ATM: variants seen among roughly 807,000 people sequenced by gnomAD.
ATM encodes ATM serine/threonine kinase, also known as serine-protein kinase ATM.
A neutral mutation model predicts 387.0 loss-of-function variants in ATM; 308 were observed. That is an observed-to-expected ratio of 0.80 (90% confidence interval 0.73 to 0.87). ATM has a LOEUF of 0.87. ATM is among the 40% of genes least tolerant of loss of function. The probability of loss-of-function intolerance (pLI) is 0.00; values close to 1 mark genes in which losing one functional copy is unlikely to be tolerated. For synonymous variants in ATM, 1,156 were observed against 1,187.3 expected (o/e 0.97, Z 0.54); for missense variants, 3,312 against 3,560.9 (o/e 0.93, Z 1.78).
chr11:108,281,182 A>C lies in ATM; in HGVS notation c.3576+14A>C, dbSNP rs1416761865. 12 of 1,611,876 alleles carry C rather than the reference A, an allele frequency of 7.4e-6. No homozygotes were observed. The highest frequency in any genetic ancestry group is 9.3e-6 in the Non-Finnish European group (11 of 1,178,158). On this transcript the variant is annotated intron_variant, in intron 24 of 62. Coordinates refer to ENST00000675843, the MANE Select transcript of ATM (RefSeq NM_000051.4). ...CTTGTGAAAAAGGTATATATGGATG[A>C]GTATTTTATTAGAAGCTTCCTTAGG...
intron 45 of ATM, among the ~76,000 whole-genome samples, chr11:108,323,390 G>T (rs999965429): frequency 1.3e-5 from 2 of 152,166 alleles, no homozygotes; most frequent in Admixed American, 1.3e-4. Flanking sequence ...GTAACCAGAG[G>T]CAGGGAAGGG....
At chr11:108,274,603 T>C (rs2081827541) in intron 22 of ATM, among the ~76,000 whole-genome samples, 1 of 152,214 alleles carries the variant, frequency 6.6e-6, no homozygotes, top group Non-Finnish European at 1.5e-5. Flanking sequence ...AACTTACTTA[T>C]TTCTGCCTTC....
chr11:108,312,314 C>A, intron 39 of ATM, 97 bp from the exon 40 acceptor site: 1 of 893,302 alleles, frequency 1.1e-6, no homozygotes, highest in Non-Finnish European at 1.9e-6. Context: ...TGTTTGCCAC[C>A]TTCATTAGTT....
At chr11:108,364,275 C>G (rs112842000) in intron 61 of ATM, among the ~76,000 whole-genome samples, 102 of 152,240 alleles carry the variant, frequency 6.7e-4, no homozygotes, top group Admixed American at 1.2e-3. Context: ...TTTATATTGT[C>G]TCCACTTATT....
chr11:108,261,718 G>C (rs228601), intron 16 of ATM, among the ~76,000 whole-genome samples: 2 of 151,558 alleles, frequency 1.3e-5, no homozygotes, highest in Non-Finnish European at 2.9e-5. Flanking sequence ...CAAGGGCAAA[G>C]AAGTTGAAAA....
chr11:108,344,574 G>A (rs2088054642), intron 57 of ATM, among the ~76,000 whole-genome samples: 1 of 152,112 alleles, frequency 6.6e-6, no homozygotes, highest in African/African-American at 2.4e-5. Flanking sequence ...GGCACTGTGG[G>A]TTCTATTTTT....
intron 16 of ATM, among the ~76,000 whole-genome samples, chr11:108,261,879 A>G (rs1044713619): frequency 6.6e-6 from 1 of 152,182 alleles, no homozygotes; most frequent in African/African-American, 2.4e-5. Context: ...AAGAAAGGGT[A>G]TCAGCGATGG....
chr11:108,242,906 T>C (rs2079636147), intron 5 of ATM, among the ~76,000 whole-genome samples: 1 of 152,096 alleles, frequency 6.6e-6, no homozygotes, highest in African/African-American at 2.4e-5. Context: ...ACTGTCATGC[T>C]AATTTGTTAG....
intron 56 of ATM, among the ~76,000 whole-genome samples, chr11:108,340,006 T>C (rs1335043961): frequency 6.6e-6 from 1 of 152,210 alleles, no homozygotes; most frequent in South Asian, 2.1e-4. Flanking sequence ...GCTAGGTCTA[T>C]AGAAGTAGTA....
intron 4 of ATM, among the ~76,000 whole-genome samples, chr11:108,232,127 T>A (rs1238056293): frequency 6.6e-6 from 1 of 152,250 alleles, no homozygotes; most frequent in East Asian, 1.9e-4. Context: ...ATTGCAACAT[T>A]AACAATGGAG....
rs149116878 is a variant in ATM at position 108,244,838 on chromosome 11, T to C, written c.713T>C (p.Ile238Thr). The part of the protein sequence containing the change: ...GLNHILAALT[I>T]FLKTLAVNFR... ...AATCATATCTTAGCAGCTCTTACTA[T>C]CTTCCTCAAGACTTTGGCTGTCAAC... is the stretch of plus-strand genomic sequence containing the variant. The change falls in exon 7 of 63, where the codon ATC (isoleucine) becomes ACC (threonine). Residue 238 changes from isoleucine to threonine, a missense_variant. By Grantham distance (89) the Ile-to-Thr change is moderately conservative. This residue lies in a region of ATM where 1,791 missense variants were observed against 1,804.5 expected (regional missense o/e 0.99). Transcript: ENST00000675843. The C allele has an allele frequency of 2.5e-6, 4 of 1,613,854 alleles. No homozygotes were observed. In the African/African-American group the frequency reaches 4.0e-5, roughly 16 times the overall value.
intron 59 of ATM, 23 bp from the exon 60 acceptor site, chr11:108,353,743 C>T: frequency 6.4e-7 from 1 of 1,560,326 alleles, no homozygotes; most frequent in Non-Finnish European, 8.8e-7. Context: ...AACCTCCTAA[C>T]TTCACTGTAT....
intron 24 of ATM, among the ~76,000 whole-genome samples, chr11:108,282,402 A>G (rs1397652418): frequency 1.3e-5 from 2 of 152,200 alleles, no homozygotes; most frequent in Admixed American, 1.3e-4. Context: ...CGTTGGGATT[A>G]CAGGTGTGAA....
rs534103897 is a variant in ATM, at chr11:108,268,679, A to G, written c.2838+70A>G. ...TGCTGACTAAATGTAATGAGTTGAC[A>G]TGTAAGAATCACATGGTGTCTTTGA... is the stretch of plus-strand genomic sequence containing the variant. On this transcript the variant is annotated intron_variant, in intron 18 of 62. Coordinates refer to ENST00000675843, the MANE Select transcript of ATM (RefSeq NM_000051.4). 5 of 1,477,322 alleles carry G rather than the reference A, an allele frequency of 3.4e-6. No individual in the cohort carries two copies. The African/African-American group carries it at 6.9e-5, about 20-fold the overall frequency. The allele number at this position is 1,477,322 out of a possible 1,614,324, so 91.5% of individuals were successfully genotyped here.
At chr11:108,337,487 ACAGATTTCTG>A (rs2086975553) in intron 56 of ATM, among the ~76,000 whole-genome samples, 2 of 152,230 alleles carry the variant, frequency 1.3e-5, no homozygotes, top group South Asian at 4.1e-4. Context: ...TGTTAAAAAC[ACAGATTTCTG>A]ATCCCCATTC....
rs587782195 is a variant in ATM at position 108,282,822 on chromosome 11, A to G, written c.3689A>G (p.Asn1230Ser). ...EWLNLQDTEY[N>S]LSSFPFILLN... ...CTAAATCTTCAAGATACTGAATACA[A>G]CTTATCTTCTTTTCCTTTTATTTTA... The change falls in exon 25 of 63, where the codon AAC (asparagine) becomes AGC (serine). Residue 1230 changes from asparagine to serine, a missense_variant. Asn to Ser is a conservative substitution (Grantham distance 46). This residue lies in a region of ATM where 1,791 missense variants were observed against 1,804.5 expected (regional missense o/e 0.99). Transcript: ENST00000675843. 53 of 1,551,180 alleles carry G rather than the reference A, an allele frequency of 3.4e-5. No individual in the cohort carries two copies. Among genetic ancestry groups the G allele is most frequent in the Non-Finnish European group, 4.4e-5 (49 of 1,124,552 alleles).
intron 42 of ATM, 106 bp from the exon 43 acceptor site, chr11:108,317,267 G>A (rs1004772249): frequency 6.6e-6 from 8 of 1,218,240 alleles, no homozygotes; most frequent in Non-Finnish European, 9.4e-6. Context: ...ATGATATTGT[G>A]AACTAAAATT....
Position 108,367,266 on chromosome 11 carries a change from T to C in ATM, c.*1758T>C. ...CCTCCCAAAGTGCTGGGATTACAGG[T>C]GTGAGCCACCGCGCCCGGCCTCATT... On this transcript the variant is annotated 3_prime_UTR_variant, in exon 63 of 63. Coordinates refer to ENST00000675843, the MANE Select transcript of ATM (RefSeq NM_000051.4). The C allele has an allele frequency of 1.7e-5, 3 of 180,100 alleles. No individual in the cohort carries two copies. The highest frequency in any genetic ancestry group is 3.6e-5 in the Non-Finnish European group (3 of 84,156). 11.2% of individuals were successfully genotyped at this position (180,100 alleles called of 1,614,324 possible).
chr11:108,293,616 T>C (rs769626507), intron 31 of ATM, 139 bp downstream of exon 31: 7 of 777,460 alleles, frequency 9.0e-6, no homozygotes, highest in Non-Finnish European at 1.4e-5. Context: ...CCAGGCACAT[T>C]GGCTCATGCC....
Sources: gnomAD v4.1 joint callset for allele counts (sites outside exome capture counted in the v4.1 genomes callset) on GRCh38, gnomAD v4.1.1 for gene constraint, gnomAD v4.1.1 regional missense constraint, MANE v1.5 for transcripts, NCBI Gene and HGNC (gene_info 2026-07-23, HGNC 2026-07-21) for gene names.